Variants in DPP10 observed in about 807,000 individuals in gnomAD.
DPP10 encodes dipeptidyl peptidase like 10, also known as inactive dipeptidyl peptidase 10.
DPP10 carries 33 observed loss-of-function variants against 120.9 expected under a neutral mutation model. The observed-to-expected ratio is 0.27, with a 90% CI of 0.21 to 0.37. DPP10 has a LOEUF of 0.37. Ranked by LOEUF, DPP10 falls within the 10% of genes least tolerant of loss-of-function variation. DPP10 has a pLI of 1.00. For synonymous variants in DPP10, 337 were observed against 326.1 expected (o/e 1.03, Z -0.36); for missense variants, 816 against 942.8 (o/e 0.87, Z 1.76).
At chr2:115,601,742 C>T (rs1000412736) in intron 5 of DPP10, among the ~76,000 whole-genome samples, 5 of 152,132 alleles carry the variant, frequency 3.3e-5, no homozygotes, top group Admixed American at 3.3e-4. Context: ...GGCACGACCT[C>T]AGCTCACTGC....
At chr2:115,045,255 C>T (rs1704974196) in intron 1 of DPP10, among the ~76,000 whole-genome samples, 1 of 152,122 alleles carries the variant, frequency 6.6e-6, no homozygotes, top group Non-Finnish European at 1.5e-5. Context: ...CTCTCCTGGA[C>T]TGATATATTG....
At chr2:115,213,250 C>T (rs1006812301) in intron 1 of DPP10, among the ~76,000 whole-genome samples, 1 of 152,102 alleles carries the variant, frequency 6.6e-6, no homozygotes, top group Non-Finnish European at 1.5e-5. Flanking sequence ...GAGTAAAAGA[C>T]ATACCTTAGA....
intron 11 of DPP10, among the ~76,000 whole-genome samples, chr2:115,759,300 T>G (rs1679806213): frequency 6.6e-6 from 1 of 152,004 alleles, no homozygotes; most frequent in Non-Finnish European, 1.5e-5. Context: ...GGCTCATCCT[T>G]GTAATTTTAG....
intron 1 of DPP10, among the ~76,000 whole-genome samples, chr2:114,798,792 T>C (rs1246650781): frequency 1.3e-5 from 2 of 152,190 alleles, no homozygotes; most frequent in African/African-American, 2.4e-5. Context: ...TCTTCACTTT[T>C]CCATTTTTGT....
intron 3 of DPP10, among the ~76,000 whole-genome samples, chr2:115,347,001 G>C (rs1439073479): frequency 1.3e-5 from 2 of 152,104 alleles, no homozygotes; most frequent in African/African-American, 2.4e-5. Context: ...TCGTAGGGTG[G>C]AAAGGTATGA....
At chr2:115,566,121 G>T (rs1358708885) in intron 5 of DPP10, among the ~76,000 whole-genome samples, 1 of 152,058 alleles carries the variant, frequency 6.6e-6, no homozygotes, top group African/African-American at 2.4e-5. Flanking sequence ...TACTATCGAA[G>T]TGATATTGTG....
intron 9 of DPP10, among the ~76,000 whole-genome samples, chr2:115,744,847 T>A (rs1388253330): frequency 6.6e-6 from 1 of 150,576 alleles, no homozygotes; most frequent in Non-Finnish European, 1.5e-5. Context: ...TTATTGGATT[T>A]TTTAATTCAA....
chr2:114,609,930 G>A (rs1413804417), intron 1 of DPP10, among the ~76,000 whole-genome samples: 1 of 152,154 alleles, frequency 6.6e-6, no homozygotes, highest in African/African-American at 2.4e-5. Flanking sequence ...CACATCCTTT[G>A]ATGCCCTCAC....
chr2:114,547,456 T>C (rs1687511126), intron 1 of DPP10, among the ~76,000 whole-genome samples: 1 of 149,756 alleles, frequency 6.7e-6, no homozygotes, highest in South Asian at 2.1e-4. Flanking sequence ...AGAAATAGCT[T>C]TTTTTTTTTC....
intron 3 of DPP10, among the ~76,000 whole-genome samples, chr2:115,450,527 A>T (rs916495908): frequency 6.6e-6 from 1 of 151,950 alleles, no homozygotes; most frequent in Non-Finnish European, 1.5e-5. Flanking sequence ...AGGTACAAAG[A>T]TACAAGTCAA....
At chr2:114,902,478 T>A (rs1693660214) in intron 1 of DPP10, among the ~76,000 whole-genome samples, 1 of 152,218 alleles carries the variant, frequency 6.6e-6, no homozygotes, top group African/African-American at 2.4e-5. Context: ...TGCTATTGCT[T>A]TAAAATAAGC....
chr2:115,596,542 A>G (rs564080614), intron 5 of DPP10, among the ~76,000 whole-genome samples: 6 of 152,306 alleles, frequency 3.9e-5, no homozygotes, highest in African/African-American at 1.4e-4. Flanking sequence ...GTTTCTCTCC[A>G]GTATTTTAGA....
intron 1 of DPP10, among the ~76,000 whole-genome samples, chr2:114,577,688 C>T (rs192069098): frequency 4.6e-5 from 7 of 152,218 alleles, no homozygotes; most frequent in African/African-American, 9.6e-5. Flanking sequence ...TGTTCTCTCA[C>T]GGTTCTGGAG....
chr2:115,073,381 C>T (rs1384074414), intron 1 of DPP10, among the ~76,000 whole-genome samples: 9 of 152,146 alleles, frequency 5.9e-5, no homozygotes, highest in Non-Finnish European at 1.2e-4. Flanking sequence ...GTGGAGGATC[C>T]CTGTATTAGG....
chr2:114,446,537 C>G lies in DPP10; in HGVS notation c.60+3699C>G, dbSNP rs887140980. 2.6e-5 allele frequency among the ~76,000 whole-genome samples: 4 copies of G among 152,160 alleles called. No individual in the cohort carries two copies. The South Asian group carries it at 8.3e-4, about 32-fold the overall frequency. Reference sequence around the variant, plus strand: ...TCTTCCTCTTTCTCTTTCCTTTTTACAAGACCTGCCTGATTTATTTTAATA... The same window carrying G: ...TCTTCCTCTTTCTCTTTCCTTTTTAGAAGACCTGCCTGATTTATTTTAATA... On this transcript the variant is annotated intron_variant, in intron 1 of 25. Coordinates refer to ENST00000410059, the MANE Select transcript of DPP10 (RefSeq NM_020868.6).
At position 114,793,770 on chromosome 2, in the gene DPP10, A is replaced by C. The variant is rs574348883; in HGVS notation, c.60+350932A>C. 1.4e-4 allele frequency among the ~76,000 whole-genome samples: 21 copies of C among 152,256 alleles called. 1 individual carries two copies. In the South Asian group the frequency reaches 4.2e-3, roughly 30 times the overall value. The stretch of plus-strand genomic sequence containing the variant: ...CTTGATGCATGCGGAGACTTCCTCT[A>C]TCCATTTCTTATACCATGTTGACCC... On this transcript the variant is annotated intron_variant, in intron 1 of 25. Coordinates refer to ENST00000410059, the MANE Select transcript of DPP10 (RefSeq NM_020868.6).
chr2:115,745,936 G>A (rs147189566), intron 9 of DPP10, 150 bp from the exon 10 acceptor site: 1 of 572,488 alleles, frequency 1.7e-6, no homozygotes, highest in Admixed American at 3.8e-5. Flanking sequence ...CAATCATGTT[G>A]TCGAATTTAA....
Position 114,880,075 on chromosome 2 carries a change from C to T in DPP10, c.61-429164C>T, listed in dbSNP as rs577022916. ...ATTCCCTGTGGAGCTTTTTCACCTCCATTTTAGCTACTCTTAGAATCTGTA... is the reference window on the plus strand; with the variant it reads ...ATTCCCTGTGGAGCTTTTTCACCTCTATTTTAGCTACTCTTAGAATCTGTA... On this transcript the variant is annotated intron_variant, in intron 1 of 25. Coordinates refer to ENST00000410059, the MANE Select transcript of DPP10 (RefSeq NM_020868.6). Among the ~76,000 whole-genome samples the T allele has an allele frequency of 1.4e-3, 208 of 152,282 alleles. 1 individual carries two copies. Among genetic ancestry groups the T allele is most frequent in the Non-Finnish European group, 2.5e-3 (167 of 68,024 alleles).
At chr2:115,337,143 C>CAA (rs11308584) in intron 2 of DPP10, among the ~76,000 whole-genome samples, 4 of 125,478 alleles carry the variant, frequency 3.2e-5, no homozygotes, top group East Asian at 4.6e-4. Context: ...TTGAAGAAAG[C>CAA]AAAAAAAAAA....
Sources: allele counts gnomAD v4.1 joint callset (sites outside exome capture counted in the v4.1 genomes callset), GRCh38; gene constraint gnomAD v4.1.1; transcripts MANE v1.5; gene names NCBI Gene and HGNC (gene_info 2026-07-23, HGNC 2026-07-21).